CDH4: variants seen among roughly 807,000 people sequenced by gnomAD.
CDH4 encodes the protein cadherin-4.
CDH4 carries 33 observed loss-of-function variants against 86.0 expected under a neutral mutation model. That is an observed-to-expected ratio of 0.38 (90% CI 0.29 to 0.51). CDH4 has a LOEUF of 0.51. CDH4 is among the 20% of genes least tolerant of loss of function. The pLI is 0.86. For synonymous variants in CDH4, 555 were observed against 549.4 expected (o/e 1.01, Z -0.14); for missense variants, 1,114 against 1,307.4 (o/e 0.85, Z 2.28).
chr20:61,499,824 T>A (rs1345136703), intron 2 of CDH4, among the ~76,000 whole-genome samples: 2 of 152,154 alleles, frequency 1.3e-5, no homozygotes, highest in Admixed American at 1.3e-4. Flanking sequence ...GCCGGATACC[T>A]CTGAGTGCTC....
chr20:61,793,584 G>A (rs1239986581), intron 4 of CDH4, among the ~76,000 whole-genome samples: 1 of 151,904 alleles, frequency 6.6e-6, no homozygotes, highest in South Asian at 2.1e-4. Flanking sequence ...GCTCACGCCT[G>A]TAATCCCAGC....
At chr20:61,493,187 C>T (rs1180219401) in intron 2 of CDH4, among the ~76,000 whole-genome samples, 2 of 152,224 alleles carry the variant, frequency 1.3e-5, no homozygotes, top group African/African-American at 4.8e-5. Context: ...ACGCAGAATA[C>T]AGGCCTGTGT....
At chr20:61,742,558 A>C (rs1363201524) in intron 2 of CDH4, among the ~76,000 whole-genome samples, 1 of 152,220 alleles carries the variant, frequency 6.6e-6, no homozygotes, top group South Asian at 2.1e-4. Context: ...ATTGCTTGAA[A>C]AACCAATCCT....
At position 61,518,603 on chromosome 20, in the gene CDH4, C is replaced by A. The variant is rs966739549; in HGVS notation, c.170-224960C>A. The stretch of plus-strand genomic sequence containing the variant: ...CCATATATCATCCATCCATCATCAT[C>A]CACTCATCCATCCATCCTTCATCCA... On this transcript the variant is annotated intron_variant, in intron 2 of 15. Coordinates refer to ENST00000614565, the MANE Select transcript of CDH4 (RefSeq NM_001794.5). This position sits in a 1 kb window ranked among gnomAD's most constrained non-coding sequence, Gnocchi z 6.3. Among the ~76,000 whole-genome samples the A allele has an allele frequency of 6.6e-6, 1 of 151,924 alleles. No homozygotes were observed. Among genetic ancestry groups the A allele is most frequent in the East Asian group, 1.9e-4 (1 of 5,148 alleles).
intron 7 of CDH4, among the ~76,000 whole-genome samples, chr20:61,881,819 C>T (rs1439535929): frequency 3.3e-5 from 5 of 152,240 alleles, no homozygotes; most frequent in African/African-American, 9.6e-5. Context: ...AAGCTACATC[C>T]ACACCCTGAT....
chr20:61,901,022 G>T (rs1443021503), intron 8 of CDH4, among the ~76,000 whole-genome samples: 1 of 152,236 alleles, frequency 6.6e-6, no homozygotes. Flanking sequence ...ATGAGCTGCT[G>T]ACAGGAGCTG....
chr20:61,519,176 A>G (rs1241258441), intron 2 of CDH4, among the ~76,000 whole-genome samples: 1 of 152,254 alleles, frequency 6.6e-6, no homozygotes, highest in African/African-American at 2.4e-5. Context: ...ACAGTCCGCA[A>G]GGAAGAAGGG....
Position 61,588,108 on chromosome 20 carries a change from G to A in CDH4, c.170-155455G>A, listed in dbSNP as rs141372187. Among the ~76,000 whole-genome samples the A allele has an allele frequency of 4.9e-3, 743 of 152,296 alleles. 4 individuals are homozygous for A. Among genetic ancestry groups the A allele is most frequent in the African/African-American group, 0.017 (701 of 41,556 alleles). ...TTCGAGGGCCTTCCGAGAAGCCAGC[G>A]TGCAGAGACTTAGCCAAGCGCTTAG... On this transcript the variant is annotated intron_variant, in intron 2 of 15. Coordinates refer to ENST00000614565, the MANE Select transcript of CDH4 (RefSeq NM_001794.5).
chr20:61,304,690 TTTC>T (rs1192575403), intron 2 of CDH4, among the ~76,000 whole-genome samples: 6 of 152,140 alleles, frequency 3.9e-5, no homozygotes, highest in African/African-American at 1.4e-4. Flanking sequence ...AGACGATGTA[TTTC>T]TAGACTATGT....
intron 7 of CDH4, among the ~76,000 whole-genome samples, chr20:61,880,905 G>A (rs1843636848): frequency 6.6e-6 from 1 of 152,198 alleles, no homozygotes; most frequent in South Asian, 2.1e-4. Flanking sequence ...TAGAGTGAGG[G>A]CCCCCCAGGC....
intron 2 of CDH4, among the ~76,000 whole-genome samples, chr20:61,729,651 C>T (rs919428379): frequency 2.6e-5 from 4 of 152,180 alleles, no homozygotes; most frequent in South Asian, 2.1e-4. Context: ...GACGTGGAGA[C>T]GATGAGTGCA....
intron 2 of CDH4, among the ~76,000 whole-genome samples, chr20:61,487,284 G>A (rs1194848990): frequency 2.6e-5 from 4 of 152,176 alleles, no homozygotes; most frequent in Admixed American, 2.0e-4. Context: ...GGGGAAGGGG[G>A]CTTCGTGGGC....
intron 4 of CDH4, among the ~76,000 whole-genome samples, chr20:61,794,443 C>T (rs1979415907): frequency 6.6e-6 from 1 of 152,192 alleles, no homozygotes; most frequent in South Asian, 2.1e-4. Context: ...ACACCAAGTC[C>T]CTTGGTCCTT....
At chr20:61,340,459 T>C (rs1268704720) in intron 2 of CDH4, among the ~76,000 whole-genome samples, 2 of 152,236 alleles carry the variant, frequency 1.3e-5, no homozygotes, top group Non-Finnish European at 2.9e-5. Flanking sequence ...TTCCATGAGG[T>C]GGCAACTTGG....
At chr20:61,558,757 T>C (rs2086195107) in intron 2 of CDH4, among the ~76,000 whole-genome samples, 1 of 152,232 alleles carries the variant, frequency 6.6e-6, no homozygotes, top group Non-Finnish European at 1.5e-5. Flanking sequence ...ATACTCATTG[T>C]AGTAACAAGA....
intron 2 of CDH4, among the ~76,000 whole-genome samples, chr20:61,353,025 CCA>C (rs1420926132): frequency 2.0e-5 from 3 of 152,124 alleles, no homozygotes; most frequent in Admixed American, 1.3e-4. Flanking sequence ...CCCACGGGCC[CCA>C]TCTCCTCCCC....
At chr20:61,385,229 G>A (rs1296536982) in intron 2 of CDH4, among the ~76,000 whole-genome samples, 1 of 152,138 alleles carries the variant, frequency 6.6e-6, no homozygotes, top group African/African-American at 2.4e-5. Flanking sequence ...GAGGGACTAG[G>A]GTTTAACCTT....
At chr20:61,553,667 C>T (rs1310650564) in intron 2 of CDH4, among the ~76,000 whole-genome samples, 1 of 152,224 alleles carries the variant, frequency 6.6e-6, no homozygotes, top group Admixed American at 6.5e-5. Context: ...ACCATCATTG[C>T]ATGAGCATCT....
At chr20:61,325,201 G>A (rs2084530261) in intron 2 of CDH4, among the ~76,000 whole-genome samples, 2 of 149,318 alleles carry the variant, frequency 1.3e-5, no homozygotes, top group Non-Finnish European at 3.0e-5. Flanking sequence ...CCTTCGGTGG[G>A]TCATAAGTAA....
Sources: gnomAD v4.1 joint callset for allele counts (sites outside exome capture counted in the v4.1 genomes callset) on GRCh38, gnomAD v4.1.1 for gene constraint, Gnocchi (gnomAD v3.1) non-coding constraint, MANE v1.5 for transcripts, NCBI Gene and HGNC (gene_info 2026-07-23, HGNC 2026-07-21) for gene names.